Variants in SLC5A1 observed in about 807,000 individuals in gnomAD.
SLC5A1 encodes solute carrier family 5 member 1.
A neutral mutation model predicts 73.5 loss-of-function variants in SLC5A1; 42 were observed. The ratio of observed to expected loss-of-function variants is 0.57; its 90% CI spans 0.45 to 0.74. The LOEUF is 0.74. Among genes scored for constraint, SLC5A1 ranks in the 30% least tolerant of loss-of-function variants. The pLI is 0.00. For missense variants in SLC5A1, 634 were observed against 855.4 expected, an observed-to-expected ratio of 0.74 and a Z score of 3.23; for synonymous variants, 300 against 317.4, an observed-to-expected ratio of 0.95 and a Z score of 0.58.
At position 32,110,598 on chromosome 22, in the gene SLC5A1, G is replaced by C; in HGVS notation, c.*385G>C. On this transcript the variant is annotated 3_prime_UTR_variant, in exon 15 of 15. Coordinates refer to ENST00000266088, the MANE Select transcript of SLC5A1 (RefSeq NM_000343.4). ...AGAAACTTTGGTCTCCCTGGTTCCT[G>C]CCACTTTTCCTGTCCGTCCTCCTCC... 3.4e-6 allele frequency: 1 copy of C among 291,344 alleles called. No individual in the cohort carries two copies. The allele number at this position is 291,344 out of a possible 1,614,324, so 18.0% of individuals were successfully genotyped here. A position where few individuals can be genotyped will look rare whatever the true frequency, so the allele number is the denominator to read the frequency against.
At position 32,090,259 on chromosome 22, in the gene SLC5A1, A is replaced by G. The variant is rs1442525879; in HGVS notation, c.1130-1353A>G. The stretch of plus-strand genomic sequence containing the variant: ...TTTTAGAAAATTTGTGTCATGCCAT[A>G]AAGAAATCCTATACCTGCTAATGAA... On this transcript the variant is annotated intron_variant, in intron 10 of 14. Transcript: ENST00000266088. Among the ~76,000 whole-genome samples, 5 of 152,172 alleles carry G rather than the reference A, an allele frequency of 3.3e-5. No individual in the cohort carries two copies. In the South Asian group the frequency reaches 1.0e-3, roughly 32 times the overall value.
At chr22:32,047,883 G>A (rs548775302) in intron 1 of SLC5A1, among the ~76,000 whole-genome samples, 31 of 152,224 alleles carry the variant, frequency 2.0e-4, no homozygotes, top group Admixed American at 2.0e-4. Context: ...GACATCGGCC[G>A]GGCATGGTGG....
chr22:32,058,523 T>C (rs143118071), intron 2 of SLC5A1, among the ~76,000 whole-genome samples: 1 of 152,336 alleles, frequency 6.6e-6, no homozygotes, highest in East Asian at 1.9e-4. Context: ...GCATCTCTGA[T>C]AATTTGCTTA....
At chr22:32,096,456 C>T (rs774570350) in intron 11 of SLC5A1, among the ~76,000 whole-genome samples, 2 of 152,184 alleles carry the variant, frequency 1.3e-5, no homozygotes, top group African/African-American at 2.4e-5. Context: ...GCTCTCCACA[C>T]TGGCCATCTT....
chr22:32,060,199 A>ATTTT (rs200047863), intron 2 of SLC5A1, among the ~76,000 whole-genome samples: 30 of 136,656 alleles, frequency 2.2e-4, no homozygotes, highest in South Asian at 6.6e-4. Context: ...ATATATATAT[A>ATTTT]TTTTTTTAAG....
In SLC5A1 at chr22:32,112,245, A is replaced by G. The variant is rs960550609; in HGVS notation, c.*2032A>G. ...CCCCATTCCAGGGTCTTCAGAATTG[A>G]AGGAGAGATGTTGTATCACTGTTAG... On this transcript the variant is annotated 3_prime_UTR_variant, in exon 15 of 15. Coordinates refer to ENST00000266088, the MANE Select transcript of SLC5A1 (RefSeq NM_000343.4). The G allele has an allele frequency of 1.3e-5, 2 of 152,174 alleles. No homozygotes were observed. The highest frequency in any genetic ancestry group is 2.9e-5 in the Non-Finnish European group (2 of 68,016). 9.4% of individuals were successfully genotyped at this position (152,174 alleles called of 1,614,324 possible).
intron 10 of SLC5A1, among the ~76,000 whole-genome samples, chr22:32,086,785 T>C (rs553110590): frequency 3.3e-5 from 5 of 152,322 alleles, no homozygotes; most frequent in Non-Finnish European, 7.3e-5. Flanking sequence ...TTTGAAGAGA[T>C]ATCTGCTCTC....
intron 12 of SLC5A1, among the ~76,000 whole-genome samples, chr22:32,100,562 A>G (rs976253534): frequency 3.9e-5 from 6 of 152,124 alleles, no homozygotes; most frequent in Non-Finnish European, 4.4e-5. Flanking sequence ...TTGAATTTTT[A>G]AAAAATTATT....
intron 1 of SLC5A1, among the ~76,000 whole-genome samples, chr22:32,046,921 T>C (rs186844057): frequency 1.3e-3 from 191 of 152,348 alleles, no homozygotes; most frequent in African/African-American, 4.1e-3. Context: ...ACTTTAAAGT[T>C]TTCCTTTGAG....
chr22:32,079,118 A>C (rs2093995591), intron 5 of SLC5A1, among the ~76,000 whole-genome samples: 1 of 152,154 alleles, frequency 6.6e-6, no homozygotes, highest in African/African-American at 2.4e-5. Context: ...GAACATGAAG[A>C]AAAGAAAACA....
At chr22:32,086,146 A>T in intron 9 of SLC5A1, 74 bp from the exon 10 acceptor site, 1 of 993,378 alleles carries the variant, frequency 1.0e-6, no homozygotes, top group Admixed American at 1.7e-5. Context: ...GTCTCAAAAA[A>T]AAAAAAAGAA....
chr22:32,064,267 G>A (rs539417428), intron 2 of SLC5A1, among the ~76,000 whole-genome samples: 5 of 152,108 alleles, frequency 3.3e-5, no homozygotes, highest in Admixed American at 2.6e-4. Context: ...AGGCCAAGGC[G>A]GATGGATTGC....
chr22:32,078,080 T>C (rs981092272), intron 5 of SLC5A1, among the ~76,000 whole-genome samples: 4 of 152,116 alleles, frequency 2.6e-5, no homozygotes, highest in Admixed American at 1.3e-4. Flanking sequence ...TACCATCAAA[T>C]TGTAAATGTT....
intron 14 of SLC5A1, among the ~76,000 whole-genome samples, chr22:32,108,796 G>A (rs1426611980): frequency 6.6e-6 from 1 of 152,126 alleles, no homozygotes; most frequent in African/African-American, 2.4e-5. Context: ...AGACCATAAA[G>A]CCAGGTTTTG....
At chr22:32,093,894 T>TATTCAAG (rs1311648547) in intron 11 of SLC5A1, among the ~76,000 whole-genome samples, 1 of 152,120 alleles carries the variant, frequency 6.6e-6, no homozygotes, top group Non-Finnish European at 1.5e-5. Flanking sequence ...TACAAGTGGG[T>TATTCAAG]GAGAGTGGGC....
chr22:32,084,608 G>C lies in SLC5A1; in HGVS notation c.834G>C (p.Gly278=), dbSNP rs1417357046. The C allele has an allele frequency of 6.2e-7, 1 of 1,614,204 alleles. No individual in the cohort carries two copies. The highest frequency in any genetic ancestry group is 1.7e-5 in the Admixed American group (1 of 60,030). The change falls in exon 8 of 15, where the codon GGG becomes GGC. Residue 278 remains glycine, a synonymous_variant. Coordinates refer to ENST00000266088, the MANE Select transcript of SLC5A1 (RefSeq NM_000343.4). The part of the protein sequence containing the change: ...DPLTGDLPWP[G]FIFGMSILTL... ...TCACGGGAGACCTCCCATGGCCTGG[G>C]TTCATCTTTGGGATGTCCATCCTTA...
chr22:32,046,902 G>A (rs1026132264), intron 1 of SLC5A1, among the ~76,000 whole-genome samples: 12 of 152,334 alleles, frequency 7.9e-5, no homozygotes, highest in Admixed American at 7.2e-4. Flanking sequence ...TTACAAAGTG[G>A]TGTCTGGAAC....
chr22:32,079,698 G>C (rs1307300519), intron 5 of SLC5A1, among the ~76,000 whole-genome samples: 1 of 152,116 alleles, frequency 6.6e-6, no homozygotes, highest in Admixed American at 6.5e-5. Context: ...AAACGTGTGT[G>C]CATTTAACAG....
At chr22:32,052,436 T>C (rs1326052472) in intron 2 of SLC5A1, among the ~76,000 whole-genome samples, 2 of 152,164 alleles carry the variant, frequency 1.3e-5, no homozygotes, top group Non-Finnish European at 2.9e-5. Context: ...AAAGGGTGTC[T>C]TAGAAAAACC....
Sources: allele counts gnomAD v4.1 joint callset (sites outside exome capture counted in the v4.1 genomes callset), GRCh38; gene constraint gnomAD v4.1.1; transcripts MANE v1.5; gene names NCBI Gene and HGNC (gene_info 2026-07-23, HGNC 2026-07-21).